KRT10: variants seen among roughly 807,000 people sequenced by gnomAD.
KRT10 encodes keratin, type I cytoskeletal 10.
In KRT10, 40 loss-of-function variants were observed where a neutral mutation model predicts 59.2. That is an observed-to-expected ratio of 0.68 (90% CI 0.52 to 0.88). The LOEUF (loss-of-function observed/expected upper bound fraction) is 0.88. Among genes scored for constraint, KRT10 ranks in the 40% least tolerant of loss-of-function variants. The probability of loss-of-function intolerance (pLI) is 0.00; values close to 1 mark genes in which losing one functional copy is unlikely to be tolerated. For missense variants in KRT10, 719 were observed against 749.1 expected, an observed-to-expected ratio of 0.96 and a Z score of 0.47; for synonymous variants, 336 against 310.7, an observed-to-expected ratio of 1.08 and a Z score of -0.86.
intron 7 of KRT10, 104 bp downstream of exon 7, chr17:40,818,683 C>A: frequency 6.4e-7 from 1 of 1,561,124 alleles, no homozygotes; most frequent in Non-Finnish European, 8.7e-7. Context: ...GGAACCGTCT[C>A]TAAGATTTTT....
Position 40,822,386 on chromosome 17 carries a change from A to G in KRT10, c.200T>C (p.Phe67Ser), listed in dbSNP as rs780082291. The G allele has an allele frequency of 5.0e-6, 8 of 1,610,166 alleles. No homozygotes were observed. In the East Asian group the frequency reaches 6.7e-5, roughly 13 times the overall value. ...FSRGSSGGGC[F>S]GGSSGGYGGL... is the part of the protein sequence containing the mutation. The stretch of plus-strand genomic sequence containing the variant: ...TCCATAGCCACCTGATGAGCCCCCA[A>G]AGCAGCCCCCACCAGAGCTCCCACG... The change falls in exon 1 of 8, where the codon TTT (phenylalanine) becomes TCT (serine). Residue 67 changes from phenylalanine (F) to serine (S), a missense_variant. Physicochemically the swap from Phe to Ser is radical, Grantham distance 155. Around this residue, in one of 4 missense-constraint regions of KRT10, gnomAD observed 176 missense variants for 175.7 expected, o/e 1.00. Transcript: ENST00000269576.
At chr17:40,819,851 T>G in intron 5 of KRT10, 117 bp from the exon 6 acceptor site, 1 of 1,136,620 alleles carries the variant, frequency 8.8e-7, no homozygotes, top group Non-Finnish European at 1.3e-6. Context: ...CAGAATTTGT[T>G]GTATGTTTAA....
chr17:40,818,690 T>G (rs989414075), intron 7 of KRT10, 97 bp downstream of exon 7: 2 of 1,575,318 alleles, frequency 1.3e-6, no homozygotes, highest in Non-Finnish European at 8.6e-7. Context: ...TCTCTAAGAT[T>G]TTTAATTTTT....
intron 7 of KRT10, 150 bp downstream of exon 7, chr17:40,818,637 G>A: frequency 7.3e-7 from 1 of 1,369,748 alleles, no homozygotes; most frequent in Non-Finnish European, 1.0e-6. Context: ...ATTTTTCACG[G>A]CTGGTGTTAA....
At position 40,820,671 on chromosome 17, in the gene KRT10, A is replaced by T; in HGVS notation, c.711-4T>A. The T allele has an allele frequency of 1.2e-6, 2 of 1,614,164 alleles. No individual in the cohort carries two copies. The highest frequency in any genetic ancestry group is 1.7e-6 in the Non-Finnish European group (2 of 1,180,004). ...CAGAGCTACCTCATTCTCATACCTG[A>T]AACAAGCATGATATCAATACTGGTT... On this transcript the variant is annotated splice_region_variant and splice_polypyrimidine_tract_variant and intron_variant, in intron 2 of 7. Coordinates refer to ENST00000269576, the MANE Select transcript of KRT10 (RefSeq NM_000421.5).
Position 40,820,346 on chromosome 17 carries a change from A to G in KRT10, c.945T>C (p.Thr315=), listed in dbSNP as rs747484535. The G allele has an allele frequency of 6.2e-7, 1 of 1,614,218 alleles. No individual in the cohort carries two copies. The highest frequency in any genetic ancestry group is 8.5e-7 in the Non-Finnish European group (1 of 1,180,038). ...GGCTTCTCATGTTATTCAGAAGTTGAGTCAGATCAACACCCGGGGCAGCAT... is the reference window on the plus strand; with the variant it reads ...GGCTTCTCATGTTATTCAGAAGTTGGGTCAGATCAACACCCGGGGCAGCAT... ...EMNAAPGVDL[T]QLLNNMRSQY... The change falls in exon 4 of 8, where the codon ACT becomes ACC. Residue 315 remains threonine, a synonymous_variant. Transcript: ENST00000269576.
chr17:40,818,715 A>G, intron 7 of KRT10, 72 bp downstream of exon 7: 10 of 1,597,554 alleles, frequency 6.3e-6, no homozygotes, highest in Non-Finnish European at 8.5e-6. Flanking sequence ...ACAACTCTAG[A>G]GCTTAAAGCG....
chr17:40,821,887 C>T (rs1467634979), intron 1 of KRT10, 72 bp downstream of exon 1: 3 of 1,513,390 alleles, frequency 2.0e-6, no homozygotes, highest in Non-Finnish European at 1.8e-6. Context: ...CCACATTGTG[C>T]TTAATTTAAG....
At position 40,819,102 on chromosome 17, in the gene KRT10, GAGCTTCCGCCGCCGT is replaced by G; in HGVS notation, c.1418_1432del (p.Tyr473_Ser477del). 1 of 1,471,036 alleles carries G rather than the reference GAGCTTCCGCCGCCGT, an allele frequency of 6.8e-7. No homozygotes were observed. Among genetic ancestry groups the G allele is most frequent in the South Asian group, 1.3e-5 (1 of 78,470 alleles). The allele number at this position is 1,471,036 out of a possible 1,614,324, so 91.1% of individuals were successfully genotyped here. A position where few individuals can be genotyped will look rare whatever the true frequency, so the allele number is the denominator to read the frequency against. On this transcript the variant is annotated inframe_deletion, in exon 7 of 8. Coordinates refer to ENST00000269576, the MANE Select transcript of KRT10 (RefSeq NM_000421.5). ...GCCGCCGCCGGAGCTTCCGCCGCCG[GAGCTTCCGCCGCCGT>G]AGCCGCCGCCGAAACTTCCGCCGCC... is the stretch of plus-strand genomic sequence containing the variant.
intron 2 of KRT10, 64 bp downstream of exon 2, chr17:40,820,971 G>C: frequency 7.8e-7 from 1 of 1,275,114 alleles, no homozygotes; most frequent in Non-Finnish European, 1.1e-6. Context: ...GGCATCCCAA[G>C]TCATTGTTAA....
chr17:40,818,843 T>TCCGCTGGAGCTGCCG lies in KRT10; in HGVS notation c.1677_1691dup (p.Ser561_Gly565dup). The TCCGCTGGAGCTGCCG allele has an allele frequency of 8.4e-7, 1 of 1,184,076 alleles. No homozygotes were observed. Among genetic ancestry groups the TCCGCTGGAGCTGCCG allele is most frequent in the Non-Finnish European group, 1.1e-6 (1 of 891,428 alleles). The allele number at this position is 1,184,076 out of a possible 1,614,324, so 73.3% of individuals were successfully genotyped here. A position where few individuals can be genotyped will look rare whatever the true frequency, so the allele number is the denominator to read the frequency against. Reference sequence around the variant, plus strand: ...ACCCGGAAGAGGAGGACTTGTGGCCTCCGCTGGAGCTGCCGCCGCCGTATC... The same window carrying TCCGCTGGAGCTGCCG: ...ACCCGGAAGAGGAGGACTTGTGGCCTCCGCTGGAGCTGCCGCCGCTGGAGCTGCCGCCGCCGTATC... On this transcript the variant is annotated inframe_insertion, in exon 7 of 8. Transcript: ENST00000269576.
intron 6 of KRT10, 106 bp from the exon 7 acceptor site, chr17:40,819,267 A>T: frequency 6.4e-7 from 1 of 1,566,558 alleles, no homozygotes; most frequent in Non-Finnish European, 8.6e-7. Flanking sequence ...TTGAAAAAAT[A>T]AAACCCTGCC....
In KRT10 at chr17:40,818,998, A is replaced by G. The variant is rs865866504; in HGVS notation, c.1537T>C (p.Tyr513His). The part of the protein sequence containing the change: ...SSGGGSSGGG[Y>H]GGGSSSGGHG... ...CCGCCGCTGGAGCTTCCGCCCCCGT[A>G]GCCGCCGCCGGAGCTTCCGCCGCCG... is the stretch of plus-strand genomic sequence containing the variant. The change falls in exon 7 of 8, where the codon TAC becomes CAC. Residue 513 changes from tyrosine (Y) to histidine (H), a missense_variant. By Grantham distance (83) the Tyr-to-His change is moderately conservative. This residue lies in a region of KRT10 where 315 missense variants were observed against 270.6 expected (regional missense o/e 1.16). Transcript: ENST00000269576. 816 of 1,310,812 alleles carry G rather than the reference A, an allele frequency of 6.2e-4. No homozygotes were observed. The highest frequency in any genetic ancestry group is 5.3e-3 in the Admixed American group (178 of 33,640). 81.2% of individuals were successfully genotyped at this position (1,310,812 alleles called of 1,614,324 possible).
chr17:40,818,676 A>T lies in KRT10; in HGVS notation c.1748+111T>A, dbSNP rs1905159853. ...TAGTTTGTGAACAAATGCAAACGGA[A>T]CCGTCTCTAAGATTTTTAATTTTTT... On this transcript the variant is annotated intron_variant, in intron 7 of 7. Coordinates refer to ENST00000269576, the MANE Select transcript of KRT10 (RefSeq NM_000421.5). 4 of 1,534,362 alleles carry T rather than the reference A, an allele frequency of 2.6e-6. No individual in the cohort carries two copies. In the East Asian group the frequency reaches 9.2e-5, roughly 35 times the overall value.
At chr17:40,820,740 A>C in intron 2 of KRT10, 73 bp from the exon 3 acceptor site, 1 of 1,512,022 alleles carries the variant, frequency 6.6e-7, no homozygotes, top group Non-Finnish European at 9.2e-7. Flanking sequence ...GACTATTTAA[A>C]AAGCAGCTAC....
Position 40,818,334 on chromosome 17 carries a change from T to C in KRT10, c.*142A>G. On this transcript the variant is annotated 3_prime_UTR_variant, in exon 8 of 8. Transcript: ENST00000269576. ...ACTTTGTTTTCCATGCATCTGTAAA[T>C]AATGGTCTGTGTGAAGGGAGACTCT... The C allele has an allele frequency of 8.9e-7, 1 of 1,126,272 alleles. No homozygotes were observed. Among genetic ancestry groups the C allele is most frequent in the Non-Finnish European group, 1.3e-6 (1 of 763,664 alleles). 69.8% of individuals were successfully genotyped at this position (1,126,272 alleles called of 1,614,324 possible).
In KRT10 at chr17:40,819,725, G is replaced by A; in HGVS notation, c.1165C>T (p.Leu389=). The stretch of plus-strand genomic sequence containing the variant: ...TCTGTTTCTGCCAAGGAGGCTTCCA[G>A]GGATTGTTTCTGAAACGGATTTTTT... The part of the protein sequence containing the change: ...LQSQLALKQS[L]EASLAETEGR... The change falls in exon 6 of 8, where the codon CTG becomes TTG. Residue 389 remains leucine (L), a synonymous_variant. Transcript: ENST00000269576. 6.2e-7 allele frequency: 1 copy of A among 1,614,176 alleles called. No homozygotes were observed. Among genetic ancestry groups the A allele is most frequent in the Non-Finnish European group, 8.5e-7 (1 of 1,180,014 alleles).
Position 40,819,002 on chromosome 17 carries a change from G to A in KRT10, c.1533C>T (p.Gly511=). The A allele has an allele frequency of 7.8e-7, 1 of 1,279,488 alleles. No individual in the cohort carries two copies. The highest frequency in any genetic ancestry group is 1.0e-6 in the Non-Finnish European group (1 of 988,644). 79.3% of individuals were successfully genotyped at this position (1,279,488 alleles called of 1,614,324 possible). The change falls in exon 7 of 8, where the codon GGC becomes GGT. Residue 511 remains glycine, a synonymous_variant. Coordinates refer to ENST00000269576, the MANE Select transcript of KRT10 (RefSeq NM_000421.5). Reference sequence around the variant, plus strand: ...CGCTGGAGCTTCCGCCCCCGTAGCCGCCGCCGGAGCTTCCGCCGCCGGAGC... The same window carrying A: ...CGCTGGAGCTTCCGCCCCCGTAGCCACCGCCGGAGCTTCCGCCGCCGGAGC... The part of the protein sequence containing the change: ...GGSSGGGSSG[G]GYGGGSSSGG...
At chr17:40,821,149 G>C (rs1597821308) in intron 1 of KRT10, 32 bp from the exon 2 acceptor site, 1 of 1,492,862 alleles carries the variant, frequency 6.7e-7, no homozygotes, top group African/African-American at 1.4e-5. Flanking sequence ...TTTGAGAAGA[G>C]GTCAGATGCA....
Sources: gnomAD v4.1 joint callset for allele counts on GRCh38, gnomAD v4.1.1 for gene constraint, gnomAD v4.1.1 regional missense constraint, MANE v1.5 for transcripts, NCBI Gene and HGNC (gene_info 2026-07-23, HGNC 2026-07-21) for gene names.